GNAL: variants seen among roughly 807,000 people sequenced by gnomAD.
GNAL encodes the protein guanine nucleotide-binding protein G(olf) subunit alpha.
In GNAL, 18 loss-of-function variants were observed where a neutral mutation model predicts 55.1. The ratio of observed to expected loss-of-function variants is 0.33; its 90% CI spans 0.23 to 0.48. GNAL has a LOEUF of 0.48. Ranked by LOEUF, GNAL falls within the 20% of genes least tolerant of loss-of-function variation. The pLI, the probability that GNAL is intolerant of heterozygous loss-of-function variation, is 0.99. For synonymous variants in GNAL, 253 were observed against 237.0 expected (o/e 1.07, Z -0.62); for missense variants, 412 against 614.1 (o/e 0.67, Z 3.48).
intron 10 of GNAL, among the ~76,000 whole-genome samples, chr18:11,872,670 A>G (rs2036423915): frequency 6.6e-6 from 1 of 152,192 alleles, no homozygotes; most frequent in Non-Finnish European, 1.5e-5. Context: ...TCATGCTGGT[A>G]TGAGCTCTCC....
intron 1 of GNAL, among the ~76,000 whole-genome samples, chr18:11,690,335 T>A (rs1450860265): frequency 1.3e-5 from 2 of 152,152 alleles, no homozygotes; most frequent in African/African-American, 2.4e-5. Flanking sequence ...CAGTTTGTTT[T>A]AAGAACACAG....
chr18:11,883,363 C>T lies in GNAL; in HGVS notation c.*2228C>T, dbSNP rs533171669. 4 of 153,314 alleles carry T rather than the reference C, an allele frequency of 2.6e-5. No individual in the cohort carries two copies. Among genetic ancestry groups the T allele is most frequent in the Admixed American group, 2.0e-4 (3 of 15,294 alleles). The allele number at this position is 153,314 out of a possible 1,614,324, so 9.5% of individuals were successfully genotyped here. On this transcript the variant is annotated 3_prime_UTR_variant, in exon 12 of 12. Transcript: ENST00000334049. Reference sequence around the variant, plus strand: ...ACCCCCAGCAAGAAAGGGAAGTATGCTGTTGTATGCATCATTACTCAACAA... The same window carrying T: ...ACCCCCAGCAAGAAAGGGAAGTATGTTGTTGTATGCATCATTACTCAACAA...
chr18:11,852,228 T>C, intron 5 of GNAL: 1 of 1,313,548 alleles, frequency 7.6e-7, no homozygotes, highest in Non-Finnish European at 1.0e-6. Context: ...GAAATGCCCT[T>C]CTACCTTTGG....
intron 1 of GNAL, 87 bp downstream of exon 1, chr18:11,690,026 G>C: frequency 1.3e-6 from 1 of 752,150 alleles, no homozygotes; most frequent in Non-Finnish European, 1.8e-6. Context: ...GCGGTGGCGG[G>C]CACCGGGGAG....
intron 4 of GNAL, among the ~76,000 whole-genome samples, chr18:11,778,797 A>G (rs1022266105): frequency 2.0e-5 from 3 of 152,070 alleles, no homozygotes; most frequent in African/African-American, 4.8e-5. Flanking sequence ...AACCTTATCT[A>G]TAAAACCATG....
Position 11,869,147 on chromosome 18 carries a change from T to A in GNAL, c.1031+484T>A, listed in dbSNP as rs1384158691. 4.9e-5 allele frequency among the ~76,000 whole-genome samples: 4 copies of A among 81,260 alleles called. No homozygotes were observed. In the South Asian group the frequency reaches 1.7e-3, roughly 34 times the overall value. The allele number at this position is 81,260 out of a possible 152,430, so 53.3% of individuals were successfully genotyped here. A position where few individuals can be genotyped will look rare whatever the true frequency, so the allele number is the denominator to read the frequency against. ...AAATGTGGAATATTTTTTTTTATTA[T>A]TTTTTTTTTATTTTGAGATAGAGTC... On this transcript the variant is annotated intron_variant, in intron 9 of 11. Transcript: ENST00000334049.
intron 4 of GNAL, among the ~76,000 whole-genome samples, chr18:11,813,311 A>G (rs937445550): frequency 7.9e-5 from 12 of 151,926 alleles, no homozygotes; most frequent in African/African-American, 2.9e-4. Context: ...ATGTTCATGG[A>G]TTACACAACC....
intron 5 of GNAL, among the ~76,000 whole-genome samples, chr18:11,846,464 T>TACACACAC (rs57334090): frequency 0.019 from 2,675 of 140,062 alleles, 68 homozygotes; most frequent in African/African-American, 0.056. Context: ...TATATAAATA[T>TACACACAC]ACACACACAC....
At chr18:11,749,983 C>A (rs766810219) in intron 1 of GNAL, among the ~76,000 whole-genome samples, 13 of 152,174 alleles carry the variant, frequency 8.5e-5, no homozygotes, top group Non-Finnish European at 1.8e-4. Flanking sequence ...TTTGTATTAT[C>A]GCAGTGGGAG....
chr18:11,760,719 G>A (rs1480575497), intron 4 of GNAL, among the ~76,000 whole-genome samples: 1 of 152,074 alleles, frequency 6.6e-6, no homozygotes, highest in Non-Finnish European at 1.5e-5. Context: ...ACACAAGGGT[G>A]GACAGGGTGC....
At chr18:11,841,047 T>A (rs981990914) in intron 5 of GNAL, among the ~76,000 whole-genome samples, 1 of 151,960 alleles carries the variant, frequency 6.6e-6, no homozygotes, top group Non-Finnish European at 1.5e-5. Flanking sequence ...TAATTTTTTG[T>A]ATTTTTAGTA....
Position 11,689,542 on chromosome 18 carries a change from G to GC in GNAL, c.-17dup. On this transcript the variant is annotated 5_prime_UTR_variant, in exon 1 of 12. Transcript: ENST00000334049. Reference sequence around the variant, plus strand: ...CCAGCCTGCCCTAGTCCCGCGCGCCGCCCCCGCTGTGCCGCGCCCACATGG... The same window carrying GC: ...CCAGCCTGCCCTAGTCCCGCGCGCCGCCCCCCGCTGTGCCGCGCCCACATGG... 1 of 1,182,986 alleles carries GC rather than the reference G, an allele frequency of 8.5e-7. No individual in the cohort carries two copies. The highest frequency in any genetic ancestry group is 1.1e-6 in the Non-Finnish European group (1 of 939,974). The allele number at this position is 1,182,986 out of a possible 1,614,324, so 73.3% of individuals were successfully genotyped here.
At chr18:11,746,209 G>T in intron 1 of GNAL, 1 of 533,484 alleles carries the variant, frequency 1.9e-6, no homozygotes. Context: ...CATCACTGTA[G>T]GTACAACCTC....
At chr18:11,728,030 C>T (rs761002241) in intron 1 of GNAL, among the ~76,000 whole-genome samples, 3 of 152,018 alleles carry the variant, frequency 2.0e-5, no homozygotes, top group Non-Finnish European at 4.4e-5. Context: ...AGTTCGAGAC[C>T]AGCCTGGGCA....
intron 5 of GNAL, among the ~76,000 whole-genome samples, chr18:11,842,991 C>T (rs1449204978): frequency 6.6e-6 from 1 of 152,084 alleles, no homozygotes; most frequent in Non-Finnish European, 1.5e-5. Context: ...TATAAAGGTA[C>T]AAAAGTGATA....
rs62097396 is a variant in GNAL, at chr18:11,881,159, G to C, written c.*24G>C. The C allele has an allele frequency of 6.3e-7, 1 of 1,586,190 alleles. No homozygotes were observed. The highest frequency in any genetic ancestry group is 1.3e-5 in the African/African-American group (1 of 74,350). ...GAGGATGCTGCCGCCACCCTGCGAC[G>C]GAGCGGCGCCCCGGACTGCCTGACT... On this transcript the variant is annotated 3_prime_UTR_variant, in exon 12 of 12. Coordinates refer to ENST00000334049, the MANE Select transcript of GNAL (RefSeq NM_182978.4). The surrounding 1 kb of genome is among the most constrained non-coding windows in gnomAD (Gnocchi z 4.8).
chr18:11,720,136 G>A (rs2032061305), intron 1 of GNAL, among the ~76,000 whole-genome samples: 1 of 152,184 alleles, frequency 6.6e-6, no homozygotes, highest in South Asian at 2.1e-4. Context: ...ACTGTATTTT[G>A]AATAGCAAGG....
chr18:11,829,942 A>G (rs2035340775), intron 5 of GNAL, among the ~76,000 whole-genome samples: 1 of 152,170 alleles, frequency 6.6e-6, no homozygotes, highest in Non-Finnish European at 1.5e-5. Flanking sequence ...CCTGGGAGGC[A>G]GAGGTTTCAG....
chr18:11,861,762 T>C (rs981086968), intron 5 of GNAL, among the ~76,000 whole-genome samples: 1 of 152,128 alleles, frequency 6.6e-6, no homozygotes, highest in Non-Finnish European at 1.5e-5. Context: ...TGGGACACAG[T>C]GGGCGCCAGG....
Sources: allele counts gnomAD v4.1 joint callset (sites outside exome capture counted in the v4.1 genomes callset), GRCh38; gene constraint gnomAD v4.1.1; non-coding constraint Gnocchi (gnomAD v3.1); transcripts MANE v1.5; gene names NCBI Gene and HGNC (gene_info 2026-07-23, HGNC 2026-07-21).